Variants in TUNAR observed in about 807,000 individuals in gnomAD.
The protein encoded by TUNAR is transmembrane neural differentiation associated intracellular calcium regulator.
At chr14:95,901,691 A>G (rs549460373) in intron 2 of TUNAR, among the ~76,000 whole-genome samples, 1 of 152,364 alleles carries the variant, frequency 6.6e-6, no homozygotes, top group South Asian at 2.1e-4. Context: ...TTCTTGGCAC[A>G]GGGGCTGCAA....
intron 2 of TUNAR, among the ~76,000 whole-genome samples, chr14:95,892,774 T>C (rs940087233): frequency 1.3e-5 from 2 of 152,220 alleles, no homozygotes; most frequent in Non-Finnish European, 2.9e-5. Flanking sequence ...AGGGCTGCTG[T>C]GGGGTTCCAT....
chr14:95,896,486 G>T (rs1889271287), intron 2 of TUNAR, among the ~76,000 whole-genome samples: 1 of 152,216 alleles, frequency 6.6e-6, no homozygotes, highest in Non-Finnish European at 1.5e-5. Flanking sequence ...GTGGAATAAA[G>T]CTGGGACTTC....
At chr14:95,900,878 G>A (rs1182601293) in intron 2 of TUNAR, among the ~76,000 whole-genome samples, 1 of 152,218 alleles carries the variant, frequency 6.6e-6, no homozygotes, top group Non-Finnish European at 1.5e-5. Context: ...CAGGCAAACA[G>A]GCTCGTAAAG....
At chr14:95,897,795 T>A (rs1889289601) in intron 2 of TUNAR, among the ~76,000 whole-genome samples, 1 of 152,260 alleles carries the variant, frequency 6.6e-6, no homozygotes, top group Admixed American at 6.5e-5. Context: ...GTAGTTTGCT[T>A]CATCTTTGGA....
intron 2 of TUNAR, among the ~76,000 whole-genome samples, chr14:95,898,029 C>G (rs1889292309): frequency 6.6e-6 from 1 of 152,144 alleles, no homozygotes; most frequent in African/African-American, 2.4e-5. Context: ...CTCTCCAGGG[C>G]TGCTGCCCCC....
At chr14:95,878,944 T>C (rs1888932473) in intron 2 of TUNAR, among the ~76,000 whole-genome samples, 1 of 152,194 alleles carries the variant, frequency 6.6e-6, no homozygotes. Flanking sequence ...TTTGCATAGG[T>C]AAAACATTCC....
At chr14:95,923,262 G>A in exon 3 of TUNAR, 1 of 271,226 alleles carries the variant, frequency 3.7e-6, no homozygotes, top group Non-Finnish European at 6.9e-6. Flanking sequence ...CCATCAGTGA[G>A]CGGATGGGTG....
chr14:95,876,769 G>A (rs1333337420), intron 1 of TUNAR, 63 bp from the exon 1 acceptor site: 5 of 152,264 alleles, frequency 3.3e-5, no homozygotes, highest in Non-Finnish European at 7.3e-5. Context: ...GTGGGGCAGC[G>A]CGGTGCTGCT....
At chr14:95,879,214 CT>C (rs1316986822) in intron 2 of TUNAR, among the ~76,000 whole-genome samples, 1 of 152,140 alleles carries the variant, frequency 6.6e-6, no homozygotes, top group Non-Finnish European at 1.5e-5. Context: ...ATTAATGAAC[CT>C]CTTAAAGTGT....
At chr14:95,906,229 C>T (rs1299766395) in intron 2 of TUNAR, among the ~76,000 whole-genome samples, 1 of 151,896 alleles carries the variant, frequency 6.6e-6, no homozygotes, top group East Asian at 1.9e-4. Flanking sequence ...ACTGAGCTGT[C>T]ATTGCTTTTA....
chr14:95,895,249 A>G lies in TUNAR; in HGVS notation c.12+18072A>G, dbSNP rs981177453. Reference sequence around the variant, plus strand: ...CAGGCAGGAAGAACAGATGTGTCTAACCCAGGAGGAGAGCATGGGCCAGCG... The same window carrying G: ...CAGGCAGGAAGAACAGATGTGTCTAGCCCAGGAGGAGAGCATGGGCCAGCG... On this transcript the variant is annotated intron_variant, in intron 2 of 2. Coordinates refer to ENST00000678517, the Ensembl canonical transcript of TUNAR. The surrounding 1 kb of genome is among the most constrained non-coding windows in gnomAD (Gnocchi z 4.5). Among the ~76,000 whole-genome samples the G allele has an allele frequency of 3.9e-5, 6 of 152,308 alleles. No individual in the cohort carries two copies. The highest frequency in any genetic ancestry group is 5.9e-5 in the Non-Finnish European group (4 of 68,016).
chr14:95,910,289 A>T (rs1889493883), intron 2 of TUNAR, among the ~76,000 whole-genome samples: 1 of 152,200 alleles, frequency 6.6e-6, no homozygotes, highest in Admixed American at 6.5e-5. Flanking sequence ...AGGTGGGCAG[A>T]TCACTTGAGC....
intron 2 of TUNAR, among the ~76,000 whole-genome samples, chr14:95,903,027 A>T (rs907990435): frequency 1.3e-5 from 2 of 152,190 alleles, no homozygotes; most frequent in African/African-American, 4.8e-5. Context: ...ATTGTTTCCC[A>T]TTGAATCCAT....
intron 2 of TUNAR, among the ~76,000 whole-genome samples, chr14:95,887,108 C>T (rs973657798): frequency 6.6e-6 from 1 of 152,192 alleles, no homozygotes; most frequent in African/African-American, 2.4e-5. Flanking sequence ...AGCTCTAGGG[C>T]TCCTGAAACG....
chr14:95,900,744 T>G (rs566326180), intron 2 of TUNAR, among the ~76,000 whole-genome samples: 1 of 152,140 alleles, frequency 6.6e-6, no homozygotes. Flanking sequence ...CATACTAGTT[T>G]GGAGAGCAAG....
chr14:95,898,277 C>T (rs778319448), intron 2 of TUNAR, among the ~76,000 whole-genome samples: 4 of 152,108 alleles, frequency 2.6e-5, no homozygotes, highest in African/African-American at 4.8e-5. Context: ...ATTATTTATT[C>T]TCTATTTGTC....
intron 2 of TUNAR, among the ~76,000 whole-genome samples, chr14:95,908,385 C>T (rs1035308757): frequency 2.6e-5 from 4 of 152,230 alleles, no homozygotes; most frequent in African/African-American, 9.6e-5. Flanking sequence ...CTGCCACTGC[C>T]ATCACTCTGA....
intron 2 of TUNAR, among the ~76,000 whole-genome samples, chr14:95,916,097 ATTAAC>A (rs1369396190): frequency 2.6e-4 from 39 of 152,350 alleles, no homozygotes; most frequent in African/African-American, 8.9e-4. Flanking sequence ...TAAATCACCA[ATTAAC>A]TTATTAAGTA....
At chr14:95,900,043 T>C (rs897132809) in intron 2 of TUNAR, among the ~76,000 whole-genome samples, 1 of 152,258 alleles carries the variant, frequency 6.6e-6, no homozygotes, top group African/African-American at 2.4e-5. Flanking sequence ...TTTGGGATGC[T>C]CCTTAAATCA....
Sources: allele counts gnomAD v4.1 joint callset (sites outside exome capture counted in the v4.1 genomes callset), GRCh38; gene constraint gnomAD v4.1.1; non-coding constraint Gnocchi (gnomAD v3.1); transcripts MANE v1.5; gene names NCBI Gene and HGNC (gene_info 2026-07-23, HGNC 2026-07-21).